The following NKAIN2 variants were observed in gnomAD, a reference collection of about 807,000 sequenced individuals.
The protein encoded by NKAIN2 is sodium/potassium-transporting ATPase subunit beta-1-interacting protein 2.
NKAIN2 carries 14 observed loss-of-function variants against 32.6 expected under a neutral mutation model. The ratio of observed to expected loss-of-function variants is 0.43; its 90% CI spans 0.28 to 0.67. The LOEUF (loss-of-function observed/expected upper bound fraction) is 0.67, where lower values mean the gene tolerates loss of function less well. NKAIN2 is among the 30% of genes least tolerant of loss of function. NKAIN2 has a pLI of 0.17. For missense variants in NKAIN2, 198 were observed against 258.3 expected (o/e 0.77, Z 1.60); for synonymous variants, 80 against 87.2 (o/e 0.92, Z 0.46).
chr6:124,228,991 C>G (rs1326895569), intron 1 of NKAIN2, among the ~76,000 whole-genome samples: 1 of 152,070 alleles, frequency 6.6e-6, no homozygotes, highest in East Asian at 1.9e-4. Flanking sequence ...GCTGAGAGAT[C>G]ATATAATACT....
intron 1 of NKAIN2, 126 bp from the exon 2 acceptor site, chr6:124,282,879 C>G: frequency 2.5e-6 from 2 of 796,778 alleles, no homozygotes; most frequent in Non-Finnish European, 4.1e-6. Context: ...TAGTTAAAGA[C>G]AAATGCCAGA....
chr6:124,082,592 T>C (rs930905160), intron 1 of NKAIN2, among the ~76,000 whole-genome samples: 6 of 152,082 alleles, frequency 3.9e-5, no homozygotes, highest in Admixed American at 3.9e-4. Context: ...AATAGAATAA[T>C]TTATATGCCT....
intron 1 of NKAIN2, among the ~76,000 whole-genome samples, chr6:124,079,786 G>A (rs185985739): frequency 2.6e-5 from 4 of 152,106 alleles, no homozygotes; most frequent in Admixed American, 2.6e-4. Flanking sequence ...GTAGCACTAG[G>A]GAGTATTAGC....
chr6:123,984,138 C>A (rs980018479), intron 1 of NKAIN2, among the ~76,000 whole-genome samples: 1 of 152,108 alleles, frequency 6.6e-6, no homozygotes, highest in Non-Finnish European at 1.5e-5. Flanking sequence ...AACTCTTGAC[C>A]TCAGGTGATC....
At chr6:123,983,460 A>G (rs1436051730) in intron 1 of NKAIN2, among the ~76,000 whole-genome samples, 2 of 152,210 alleles carry the variant, frequency 1.3e-5, no homozygotes, top group African/African-American at 4.8e-5. Context: ...CATCTGTGCA[A>G]GAGAAACAGA....
chr6:124,710,969 G>T (rs9401761), intron 4 of NKAIN2, among the ~76,000 whole-genome samples: 36 of 147,502 alleles, frequency 2.4e-4, no homozygotes, highest in African/African-American at 6.5e-4. Context: ...TGGCTGGTAC[G>T]GGTTGTTCCT....
chr6:124,805,415 A>C (rs1780498836), intron 5 of NKAIN2, among the ~76,000 whole-genome samples: 1 of 152,168 alleles, frequency 6.6e-6, no homozygotes, highest in African/African-American at 2.4e-5. Flanking sequence ...ACTCCAACAG[A>C]CCTGCAGCTG....
intron 3 of NKAIN2, among the ~76,000 whole-genome samples, chr6:124,373,662 G>T (rs543332892): frequency 6.6e-6 from 1 of 152,096 alleles, no homozygotes; most frequent in Non-Finnish European, 1.5e-5. Flanking sequence ...GCCCAGTGAC[G>T]TAGGAAGGAA....
At chr6:124,557,580 G>A (rs1169173126) in intron 3 of NKAIN2, among the ~76,000 whole-genome samples, 1 of 152,066 alleles carries the variant, frequency 6.6e-6, no homozygotes, top group Non-Finnish European at 1.5e-5. Context: ...GAACCTGAAA[G>A]GAAAAGAAAG....
intron 1 of NKAIN2, among the ~76,000 whole-genome samples, chr6:124,242,558 G>C (rs949639060): frequency 1.3e-5 from 2 of 152,036 alleles, no homozygotes; most frequent in African/African-American, 4.8e-5. Context: ...ATACCCAAAG[G>C]ATTATAAATC....
At chr6:124,631,116 G>A (rs527388649) in intron 3 of NKAIN2, among the ~76,000 whole-genome samples, 7 of 152,102 alleles carry the variant, frequency 4.6e-5, no homozygotes, top group African/African-American at 9.6e-5. Context: ...ATCACTGATC[G>A]GTGAAAAATT....
intron 3 of NKAIN2, among the ~76,000 whole-genome samples, chr6:124,439,738 A>G (rs1775611986): frequency 6.6e-6 from 1 of 152,002 alleles, no homozygotes; most frequent in Non-Finnish European, 1.5e-5. Flanking sequence ...TGTTTATCAC[A>G]TGAATTATAA....
intron 3 of NKAIN2, among the ~76,000 whole-genome samples, chr6:124,579,777 T>C (rs1473019190): frequency 6.6e-6 from 1 of 152,118 alleles, no homozygotes; most frequent in African/African-American, 2.4e-5. Flanking sequence ...CCTTAAGACA[T>C]TTAATAATCA....
intron 3 of NKAIN2, 35 bp from the exon 4 acceptor site, chr6:124,658,151 A>G: frequency 1.3e-6 from 2 of 1,486,402 alleles, no homozygotes; most frequent in Non-Finnish European, 1.8e-6. Flanking sequence ...ACATTTATAA[A>G]GTAATTCTCA....
intron 4 of NKAIN2, among the ~76,000 whole-genome samples, chr6:124,754,441 A>C (rs1268036464): frequency 1.5e-5 from 2 of 134,256 alleles, no homozygotes; most frequent in Non-Finnish European, 3.2e-5. Context: ...TTAACCCCAT[A>C]AAAAAGCAGG....
chr6:124,292,819 A>T (rs2753155), intron 2 of NKAIN2, among the ~76,000 whole-genome samples: 45,004 of 151,860 alleles, frequency 0.3, 9,160 homozygotes, highest in African/African-American at 0.58. Flanking sequence ...GTGTGTTTTA[A>T]TTTATTTTTT....
At chr6:123,874,614 A>G (rs9320963) in intron 1 of NKAIN2, among the ~76,000 whole-genome samples, 1 of 151,994 alleles carries the variant, frequency 6.6e-6, no homozygotes, top group Non-Finnish European at 1.5e-5. Flanking sequence ...TTAAAATATA[A>G]TTCACTTCTC....
At chr6:124,052,831 A>T (rs1013449500) in intron 1 of NKAIN2, among the ~76,000 whole-genome samples, 1 of 152,048 alleles carries the variant, frequency 6.6e-6, no homozygotes, top group South Asian at 2.1e-4. Flanking sequence ...TGTGAGACAG[A>T]TGTTTATCTG....
At chr6:124,408,119 G>A (rs1219747253) in intron 3 of NKAIN2, among the ~76,000 whole-genome samples, 7 of 151,760 alleles carry the variant, frequency 4.6e-5, no homozygotes, top group Non-Finnish European at 8.8e-5. Flanking sequence ...TGAGTAGATT[G>A]CGAAAATTTT....
Sources: allele counts gnomAD v4.1 joint callset (sites outside exome capture counted in the v4.1 genomes callset), GRCh38; gene constraint gnomAD v4.1.1; transcripts MANE v1.5; gene names NCBI Gene and HGNC (gene_info 2026-07-23, HGNC 2026-07-21).